KCTD3: variants seen among roughly 807,000 people sequenced by gnomAD.
The protein encoded by KCTD3 is BTB/POZ domain-containing protein KCTD3.
A neutral mutation model predicts 85.8 loss-of-function variants in KCTD3; 41 were observed. The observed-to-expected ratio is 0.48, with a 90% CI of 0.37 to 0.62. The LOEUF (loss-of-function observed/expected upper bound fraction) is 0.62. KCTD3 is among the 20% of genes least tolerant of loss of function. The pLI is 0.00. For missense variants in KCTD3, 724 were observed against 989.9 expected, an observed-to-expected ratio of 0.73 and a Z score of 3.60; for synonymous variants, 338 against 345.4, an observed-to-expected ratio of 0.98 and a Z score of 0.24.
At chr1:215,589,211 C>G (rs1660128535) in intron 9 of KCTD3, among the ~76,000 whole-genome samples, 1 of 152,024 alleles carries the variant, frequency 6.6e-6, no homozygotes, top group African/African-American at 2.4e-5. Context: ...TCCTAGCTCA[C>G]TGCATCCTCA....
intron 10 of KCTD3, among the ~76,000 whole-genome samples, chr1:215,598,870 G>A (rs1654714050): frequency 6.6e-6 from 1 of 152,082 alleles, no homozygotes; most frequent in Non-Finnish European, 1.5e-5. Context: ...ACAGACTAGA[G>A]GAGCCATATT....
chr1:215,585,484 A>G (rs935677885), intron 8 of KCTD3, among the ~76,000 whole-genome samples: 1 of 152,178 alleles, frequency 6.6e-6, no homozygotes, highest in African/African-American at 2.4e-5. Flanking sequence ...ATCATTTATG[A>G]ATACCTAAGT....
chr1:215,604,534 C>G (rs1654941547), intron 13 of KCTD3, among the ~76,000 whole-genome samples: 2 of 151,786 alleles, frequency 1.3e-5, no homozygotes, highest in South Asian at 2.1e-4. Flanking sequence ...TTGGTTTAGC[C>G]CAGGAGTTGA....
chr1:215,579,499 A>AT (rs780828089), intron 7 of KCTD3, among the ~76,000 whole-genome samples: 1,445 of 137,994 alleles, frequency 0.01, 4 homozygotes, highest in Admixed American at 0.015. Flanking sequence ...TAACAAAACT[A>AT]TTTTTTTTTT....
intron 14 of KCTD3, among the ~76,000 whole-genome samples, chr1:215,610,493 T>C (rs1025313268): frequency 6.6e-6 from 1 of 151,934 alleles, no homozygotes; most frequent in African/African-American, 2.4e-5. Flanking sequence ...GTCAGTCTCA[T>C]GTCAACATGA....
At chr1:215,586,880 A>G (rs1479818361) in intron 9 of KCTD3, among the ~76,000 whole-genome samples, 195 bp downstream of exon 9, 3 of 152,196 alleles carry the variant, frequency 2.0e-5, no homozygotes, top group Admixed American at 2.0e-4. Context: ...ACATCTTTTC[A>G]CCACTTTAAG....
In KCTD3 at chr1:215,575,356, T is replaced by A. The variant is rs545808182; in HGVS notation, c.184-545T>A. 8.0e-4 allele frequency among the ~76,000 whole-genome samples: 122 copies of A among 152,108 alleles called. 1 individual carries two copies. Among genetic ancestry groups the A allele is most frequent in the African/African-American group, 2.4e-3 (100 of 41,484 alleles). ...GGTGCTTTAGTTTAAAAAAAAAAAA[T>A]TGTCATTACCTTTCCCCAGCTCTGA... On this transcript the variant is annotated intron_variant, in intron 3 of 17. Coordinates refer to ENST00000259154, the MANE Select transcript of KCTD3 (RefSeq NM_016121.5).
rs200399910 is a variant in KCTD3, at chr1:215,604,096, A to G, written c.1139-36A>G. Reference sequence around the variant, plus strand: ...AGGGTAGCTTTTTTATTATCGTTCCATAATGTATCACCTGTCAACTCTTGA... The same window carrying G: ...AGGGTAGCTTTTTTATTATCGTTCCGTAATGTATCACCTGTCAACTCTTGA... On this transcript the variant is annotated intron_variant, in intron 12 of 17. Transcript: ENST00000259154. 2,958 of 1,519,400 alleles carry G rather than the reference A, an allele frequency of 1.9e-3. 14 individuals carry two copies. The highest frequency in any genetic ancestry group is 2.5e-3 in the Non-Finnish European group (2,778 of 1,125,186). The allele number at this position is 1,519,400 out of a possible 1,614,324, so 94.1% of individuals were successfully genotyped here.
rs939251625 is a variant in KCTD3 at position 215,620,521 on chromosome 1, C to T, written c.2351C>T (p.Thr784Ile). ...TCACCAAGTACTTCCGATGGAGGAACTGACTCACCTGGTACTGCGTCCCCA... is the reference window on the plus strand; with the variant it reads ...TCACCAAGTACTTCCGATGGAGGAATTGACTCACCTGGTACTGCGTCCCCA... ...ASSPSTSDGGTDSPGTASPSP... is the reference protein window; with the variant it reads ...ASSPSTSDGGIDSPGTASPSP... The change falls in exon 18 of 18, where the codon ACT (threonine) becomes ATT (isoleucine). Residue 784 changes from threonine to isoleucine, a missense_variant. By Grantham distance (89) the Thr-to-Ile change is moderately conservative. This residue lies in a region of KCTD3 where 222 missense variants were observed against 217.7 expected (regional missense o/e 1.02). Coordinates refer to ENST00000259154, the MANE Select transcript of KCTD3 (RefSeq NM_016121.5). 1 of 1,613,648 alleles carries T rather than the reference C, an allele frequency of 6.2e-7. No individual in the cohort carries two copies. Among genetic ancestry groups the T allele is most frequent in the African/African-American group, 1.3e-5 (1 of 74,910 alleles).
intron 12 of KCTD3, among the ~76,000 whole-genome samples, chr1:215,603,711 T>C (rs1654914833): frequency 6.6e-6 from 1 of 152,214 alleles, no homozygotes. Flanking sequence ...GTTCTTGGCA[T>C]GGCAGATTTA....
intron 2 of KCTD3, 43 bp from the exon 3 acceptor site, chr1:215,574,030 C>T: frequency 7.0e-7 from 1 of 1,434,838 alleles, no homozygotes; most frequent in Non-Finnish European, 9.7e-7. Context: ...TTTGTTTATA[C>T]TCAGATTTTA....
At chr1:215,587,270 C>T (rs1308355450) in intron 9 of KCTD3, among the ~76,000 whole-genome samples, 1 of 151,984 alleles carries the variant, frequency 6.6e-6, no homozygotes, top group Non-Finnish European at 1.5e-5. Context: ...GCTGGGACTA[C>T]AGGCACATGC....
intron 9 of KCTD3, among the ~76,000 whole-genome samples, chr1:215,591,276 CTCCT>C (rs1346699892): frequency 1.4e-5 from 2 of 142,964 alleles, no homozygotes; most frequent in Admixed American, 7.0e-5. Context: ...TTCTCTCTCT[CTCCT>C]TCCTTCTTTC....
Position 215,591,444 on chromosome 1 carries a change from G to A in KCTD3, c.818-3912G>A, listed in dbSNP as rs574918833. Among the ~76,000 whole-genome samples, 438 of 151,868 alleles carry A rather than the reference G, an allele frequency of 2.9e-3. 1 individual carries two copies. Among genetic ancestry groups the A allele is most frequent in the Admixed American group, 5.8e-3 (89 of 15,252 alleles). ...GTGATCATGGCTGACTGCAACCTCC[G>A]CCTCCCAGGTTCAAGGGATTCTCCT... On this transcript the variant is annotated intron_variant, in intron 9 of 17. Coordinates refer to ENST00000259154, the MANE Select transcript of KCTD3 (RefSeq NM_016121.5).
intron 17 of KCTD3, 77 bp from the exon 18 acceptor site, chr1:215,619,980 T>C (rs1655602827): frequency 1.9e-6 from 2 of 1,065,088 alleles, no homozygotes; most frequent in East Asian, 4.9e-5. Context: ...GTGTGTTTTA[T>C]TGGTTGTATA....
intron 8 of KCTD3, among the ~76,000 whole-genome samples, chr1:215,582,367 G>A (rs908994645): frequency 2.0e-5 from 3 of 152,072 alleles, no homozygotes; most frequent in African/African-American, 7.2e-5. Flanking sequence ...AAATCTCACA[G>A]GGCATGTCCT....
rs371875871 is a variant in KCTD3 at position 215,604,354 on chromosome 1, C to T, written c.1309+52C>T. 11 of 1,414,634 alleles carry T rather than the reference C, an allele frequency of 7.8e-6. 1 individual carries two copies. Among genetic ancestry groups the T allele is most frequent in the African/African-American group, 5.7e-5 (4 of 69,960 alleles). 87.6% of individuals were successfully genotyped at this position (1,414,634 alleles called of 1,614,324 possible). On this transcript the variant is annotated intron_variant, in intron 13 of 17. Coordinates refer to ENST00000259154, the MANE Select transcript of KCTD3 (RefSeq NM_016121.5). ...GGAACTTGGCTCTGTGTGTTATTTT[C>T]ATTAAAAGAATGAAAACGCAGTGTT...
At chr1:215,619,430 T>A in intron 17 of KCTD3, 139 bp downstream of exon 17, 1 of 728,666 alleles carries the variant, frequency 1.4e-6, no homozygotes, top group Non-Finnish European at 2.1e-6. Flanking sequence ...GTTAACTTTT[T>A]AACAGTTTTA....
intron 7 of KCTD3, 88 bp from the exon 8 acceptor site, chr1:215,579,821 C>A: frequency 1.1e-6 from 1 of 876,448 alleles, no homozygotes; most frequent in South Asian, 1.4e-5. Context: ...TTAACCAAAA[C>A]AGGCAGAAGG....
Sources: allele counts gnomAD v4.1 joint callset (sites outside exome capture counted in the v4.1 genomes callset), GRCh38; gene constraint gnomAD v4.1.1; regional missense constraint gnomAD v4.1.1; transcripts MANE v1.5; gene names NCBI Gene and HGNC (gene_info 2026-07-23, HGNC 2026-07-21).